The following RORA variants were observed in gnomAD, a reference collection of about 807,000 sequenced individuals.
RORA encodes the protein RAR related orphan receptor A.
In RORA, 7 loss-of-function variants were observed where a neutral mutation model predicts 69.5. The ratio of observed to expected loss-of-function variants is 0.10; its 90% confidence interval spans 0.06 to 0.19. RORA has a LOEUF of 0.19. Among genes scored for constraint, RORA ranks in the 10% least tolerant of loss-of-function variants. RORA has a pLI of 1.00. For synonymous variants in RORA, 261 were observed against 240.8 expected (o/e 1.08, Z -0.78); for missense variants, 457 against 663.0 (o/e 0.69, Z 3.41).
At chr15:60,897,178 C>T (rs1420858379) in intron 1 of RORA, among the ~76,000 whole-genome samples, 5 of 152,120 alleles carry the variant, frequency 3.3e-5, no homozygotes, top group Non-Finnish European at 7.4e-5. Context: ...AGAGAGAAAG[C>T]CCTAGAAGGG....
intron 1 of RORA, among the ~76,000 whole-genome samples, chr15:60,972,037 C>T (rs533872259): frequency 6.6e-6 from 1 of 152,316 alleles, no homozygotes; most frequent in Non-Finnish European, 1.5e-5. Context: ...TCAAACACAG[C>T]CACTCTGCCT....
intron 2 of RORA, among the ~76,000 whole-genome samples, chr15:60,629,886 T>G (rs1405109880): frequency 6.6e-6 from 1 of 152,184 alleles, no homozygotes; most frequent in African/African-American, 2.4e-5. Flanking sequence ...ACACTGAGAA[T>G]GTATTCCATG....
At chr15:60,889,891 G>A (rs561949449) in intron 1 of RORA, among the ~76,000 whole-genome samples, 1 of 152,244 alleles carries the variant, frequency 6.6e-6, no homozygotes, top group Admixed American at 6.5e-5. Flanking sequence ...GGATGGCAAC[G>A]GACGTAAAAA....
At chr15:61,148,799 G>A (rs2079373321) in intron 1 of RORA, among the ~76,000 whole-genome samples, 1 of 152,172 alleles carries the variant, frequency 6.6e-6, no homozygotes, top group South Asian at 2.1e-4. Flanking sequence ...CATGAAGCCT[G>A]ACTAGGCCGA....
chr15:61,206,252 G>C (rs1327286920), intron 1 of RORA, among the ~76,000 whole-genome samples: 2 of 152,168 alleles, frequency 1.3e-5, no homozygotes, highest in African/African-American at 4.8e-5. Flanking sequence ...CAGAAGGAAG[G>C]GAGGGAGAGA....
chr15:61,022,941 T>C (rs1284516467), intron 1 of RORA, among the ~76,000 whole-genome samples: 1 of 152,008 alleles, frequency 6.6e-6, no homozygotes, highest in Non-Finnish European at 1.5e-5. Context: ...TCCCAGCAAT[T>C]TGAGAGGCCA....
intron 2 of RORA, chr15:60,556,715 G>C (rs747166356): frequency 5.6e-5 from 38 of 683,028 alleles, no homozygotes; most frequent in Middle Eastern, 2.5e-4. Flanking sequence ...TCTATGCCTG[G>C]AAGTTCACGG....
intron 1 of RORA, among the ~76,000 whole-genome samples, chr15:61,112,361 A>G (rs2079014026): frequency 6.6e-6 from 1 of 152,200 alleles, no homozygotes; most frequent in Admixed American, 6.5e-5. Context: ...AAAGTAGCAC[A>G]GTGCCAGGAA....
intron 1 of RORA, among the ~76,000 whole-genome samples, chr15:60,952,273 T>G (rs948120080): frequency 3.3e-5 from 5 of 152,054 alleles, no homozygotes; most frequent in African/African-American, 1.2e-4. Context: ...ATAAATTAGG[T>G]ATTGATGGGA....
At chr15:60,912,349 G>A (rs957129879) in intron 1 of RORA, among the ~76,000 whole-genome samples, 1 of 152,072 alleles carries the variant, frequency 6.6e-6, no homozygotes, top group African/African-American at 2.4e-5. Flanking sequence ...TTGAGCCCAC[G>A]AGTTCAAGGC....
chr15:60,964,466 G>T (rs1893495521), intron 1 of RORA, among the ~76,000 whole-genome samples: 2 of 152,296 alleles, frequency 1.3e-5, no homozygotes, highest in African/African-American at 4.8e-5. Flanking sequence ...AATAGTGTGA[G>T]GGTGGGGATG....
chr15:60,921,550 G>A (rs1412513173), intron 1 of RORA, among the ~76,000 whole-genome samples: 1 of 152,198 alleles, frequency 6.6e-6, no homozygotes. Context: ...AGGTCATGAG[G>A]TGGTTTTGGA....
chr15:60,827,154 T>C (rs1241204247), intron 1 of RORA, among the ~76,000 whole-genome samples: 1 of 152,226 alleles, frequency 6.6e-6, no homozygotes, highest in Non-Finnish European at 1.5e-5. Context: ...ACTTGCTTAG[T>C]ATCTACCTGA....
chr15:61,085,694 T>C (rs2078614937), intron 1 of RORA, among the ~76,000 whole-genome samples: 1 of 152,174 alleles, frequency 6.6e-6, no homozygotes, highest in South Asian at 2.1e-4. Context: ...CAGAACTATT[T>C]GGCCCTGGTC....
At chr15:60,845,584 G>A (rs751839508) in intron 1 of RORA, among the ~76,000 whole-genome samples, 3 of 152,166 alleles carry the variant, frequency 2.0e-5, no homozygotes, top group Non-Finnish European at 4.4e-5. Flanking sequence ...ATTAGTCGGT[G>A]TTCTTTGATT....
At chr15:60,643,113 C>T (rs924891929) in intron 2 of RORA, among the ~76,000 whole-genome samples, 1 of 152,156 alleles carries the variant, frequency 6.6e-6, no homozygotes, top group Admixed American at 6.5e-5. Flanking sequence ...GCCAAGATTG[C>T]GCCACTGCAC....
At chr15:60,738,956 C>G (rs1166171369) in intron 1 of RORA, among the ~76,000 whole-genome samples, 1 of 152,210 alleles carries the variant, frequency 6.6e-6, no homozygotes, top group Non-Finnish European at 1.5e-5. Flanking sequence ...TCAAATTTCC[C>G]CCTTTTATAA....
At chr15:60,549,730 C>T (rs540840548) in intron 2 of RORA, among the ~76,000 whole-genome samples, 6 of 152,208 alleles carry the variant, frequency 3.9e-5, no homozygotes, top group East Asian at 3.9e-4. Flanking sequence ...CAAACTATAA[C>T]GTCACTCTCC....
chr15:60,899,259 C>G (rs1173561315), intron 1 of RORA, among the ~76,000 whole-genome samples: 1 of 152,194 alleles, frequency 6.6e-6, no homozygotes, highest in East Asian at 1.9e-4. Context: ...TTCAAACACC[C>G]TCAATATGAA....
Sources: allele counts gnomAD v4.1 joint callset (sites outside exome capture counted in the v4.1 genomes callset), GRCh38; gene constraint gnomAD v4.1.1; transcripts MANE v1.5; gene names NCBI Gene and HGNC (gene_info 2026-07-23, HGNC 2026-07-21).